The following ALKBH3 variants were observed in gnomAD, a reference collection of about 807,000 sequenced individuals.
ALKBH3 encodes the protein alkB homolog 3, alpha-ketoglutarate dependent dioxygenase.
Under a neutral mutation model 43.9 loss-of-function variants are expected in ALKBH3, and 51 were observed. The observed-to-expected ratio is 1.16, with a 90% CI of 0.93 to 1.47. The LOEUF is 1.47. Among genes scored for constraint, ALKBH3 ranks in the 40% most tolerant of loss-of-function variants. The pLI is 0.00. For missense variants in ALKBH3, 361 were observed against 351.9 expected (o/e 1.03, Z -0.21); for synonymous variants, 102 against 115.2 (o/e 0.89, Z 0.73).
intron 7 of ALKBH3, chr11:43,898,633 A>G: frequency 1.4e-6 from 1 of 733,308 alleles, no homozygotes; most frequent in Non-Finnish European, 2.5e-6. Context: ...GGAAGGGGTG[A>G]ACATGCGCCA....
At position 43,919,225 on chromosome 11, in the gene ALKBH3, G is replaced by A. The variant is rs755549487; in HGVS notation, c.768+89G>A. On this transcript the variant is annotated intron_variant, in intron 9 of 9. Transcript: ENST00000302708. Reference sequence around the variant, plus strand: ...TATTTCTAAGTAGACATGGTGAAAAGCAAGCTGCTTTTACAACGAGCAAGA... The same window carrying A: ...TATTTCTAAGTAGACATGGTGAAAAACAAGCTGCTTTTACAACGAGCAAGA... 1.0e-3 allele frequency: 1,160 copies of A among 1,155,366 alleles called. 5 individuals carry two copies. The highest frequency in any genetic ancestry group is 5.8e-4 in the Non-Finnish European group (448 of 777,106). The allele number at this position is 1,155,366 out of a possible 1,614,324, so 71.6% of individuals were successfully genotyped here.
intron 5 of ALKBH3, 84 bp from the exon 6 acceptor site, chr11:43,889,641 C>T (rs1462661997): frequency 8.6e-7 from 1 of 1,168,962 alleles, no homozygotes; most frequent in Non-Finnish European, 1.3e-6. Flanking sequence ...GAGGCTGCAT[C>T]CAGATTAACT....
At chr11:43,907,949 A>G (rs10838199) in intron 8 of ALKBH3, among the ~76,000 whole-genome samples, 42,084 of 152,166 alleles carry the variant, frequency 0.28, 7,089 homozygotes, top group East Asian at 0.58. Flanking sequence ...AAGGAGGCCA[A>G]TTAGGACATT....
At chr11:43,894,534 A>G (rs1951805225) in intron 7 of ALKBH3, among the ~76,000 whole-genome samples, 3 of 152,178 alleles carry the variant, frequency 2.0e-5, no homozygotes. Context: ...CTGTTTCAGT[A>G]CCAAAAATAA....
At chr11:43,906,480 G>A (rs937734464) in intron 8 of ALKBH3, among the ~76,000 whole-genome samples, 4 of 152,150 alleles carry the variant, frequency 2.6e-5, no homozygotes, top group Non-Finnish European at 4.4e-5. Flanking sequence ...CAGCAGCCCC[G>A]CTGCTGCTAT....
rs1565129681 is a variant in ALKBH3, at chr11:43,912,072, G to A, written c.670-6966G>A. Among the ~76,000 whole-genome samples the A allele has an allele frequency of 5.9e-5, 9 of 152,126 alleles. No homozygotes were observed. In the South Asian group the frequency reaches 1.9e-3, roughly 32 times the overall value. On this transcript the variant is annotated intron_variant, in intron 8 of 9. Transcript: ENST00000302708. ...TGGGAGGCAGAGGTTGCAGTGAGTC[G>A]AGATCGCACCACTGCACTCCAGCCT...
At chr11:43,891,298 C>T (rs1461929158) in intron 6 of ALKBH3, among the ~76,000 whole-genome samples, 1 of 152,160 alleles carries the variant, frequency 6.6e-6, no homozygotes, top group African/African-American at 2.4e-5. Context: ...AGTTAAGTAA[C>T]TCTCTGATCC....
At chr11:43,916,067 T>G (rs1031179548) in intron 8 of ALKBH3, among the ~76,000 whole-genome samples, 1 of 152,244 alleles carries the variant, frequency 6.6e-6, no homozygotes, top group Non-Finnish European at 1.5e-5. Context: ...TTGATGATTG[T>G]TTGTAATTTC....
intron 8 of ALKBH3, among the ~76,000 whole-genome samples, chr11:43,913,196 A>AT (rs984328175): frequency 4.0e-5 from 6 of 150,388 alleles, no homozygotes; most frequent in Non-Finnish European, 5.9e-5. Flanking sequence ...TTCAGGTCTA[A>AT]TTTTTTTTTA....
chr11:43,886,914 G>A (rs888691518), intron 5 of ALKBH3, among the ~76,000 whole-genome samples: 1 of 152,098 alleles, frequency 6.6e-6, no homozygotes, highest in African/African-American at 2.4e-5. Context: ...GAGAACACAG[G>A]GACACACAGA....
intron 7 of ALKBH3, chr11:43,899,273 G>T: frequency 1.4e-6 from 1 of 718,136 alleles, no homozygotes; most frequent in South Asian, 1.4e-5. Context: ...AGGAGAAGGC[G>T]TGCAGGGCTC....
chr11:43,896,645 T>C (rs1951821105), intron 7 of ALKBH3, among the ~76,000 whole-genome samples: 1 of 152,188 alleles, frequency 6.6e-6, no homozygotes, highest in African/African-American at 2.4e-5. Context: ...GGATCAATAC[T>C]TTGTATCCTT....
At chr11:43,892,212 T>C in intron 7 of ALKBH3, 83 bp downstream of exon 7, 1 of 1,202,534 alleles carries the variant, frequency 8.3e-7, no homozygotes, top group Non-Finnish European at 1.2e-6. Context: ...CAAATTACCT[T>C]GCAGAGATTC....
At chr11:43,896,036 A>G (rs1343756782) in intron 7 of ALKBH3, among the ~76,000 whole-genome samples, 1 of 152,154 alleles carries the variant, frequency 6.6e-6, no homozygotes, top group Non-Finnish European at 1.5e-5. Context: ...TTTGTTGTGG[A>G]TTGTTTTTGC....
At chr11:43,895,706 C>T (rs1951813890) in intron 7 of ALKBH3, among the ~76,000 whole-genome samples, 1 of 152,162 alleles carries the variant, frequency 6.6e-6, no homozygotes, top group African/African-American at 2.4e-5. Flanking sequence ...ATGGTATTTT[C>T]ACTGTGTTGG....
chr11:43,897,307 C>T (rs551768198), intron 7 of ALKBH3: 10 of 610,886 alleles, frequency 1.6e-5, no homozygotes, highest in African/African-American at 9.0e-5. Context: ...CAGGCCCAGC[C>T]ATTCTGACAA....
chr11:43,903,501 C>T (rs567845393), intron 8 of ALKBH3, among the ~76,000 whole-genome samples: 4 of 152,266 alleles, frequency 2.6e-5, no homozygotes, highest in Admixed American at 2.0e-4. Context: ...GACCGGGGGC[C>T]GTAGCAGTGA....
At chr11:43,889,850 C>T in intron 6 of ALKBH3, 22 bp downstream of exon 6, 3 of 1,579,246 alleles carry the variant, frequency 1.9e-6, no homozygotes, top group Non-Finnish European at 2.6e-6. Flanking sequence ...CCAGAGGTCA[C>T]AGTTGGTGCT....
At chr11:43,908,264 G>A (rs1951910367) in intron 8 of ALKBH3, among the ~76,000 whole-genome samples, 1 of 152,226 alleles carries the variant, frequency 6.6e-6, no homozygotes, top group South Asian at 2.1e-4. Flanking sequence ...AGATATAGGT[G>A]AGTTTGCTCA....
Sources: gnomAD v4.1 joint callset for allele counts (sites outside exome capture counted in the v4.1 genomes callset) on GRCh38, gnomAD v4.1.1 for gene constraint, MANE v1.5 for transcripts, NCBI Gene and HGNC (gene_info 2026-07-23, HGNC 2026-07-21) for gene names.